The following POLA1 variants were observed in gnomAD, a reference collection of about 807,000 sequenced individuals.
The protein encoded by POLA1 is DNA polymerase alpha 1, catalytic subunit.
Under a neutral mutation model 124.0 loss-of-function variants are expected in POLA1, and 15 were observed. The ratio of observed to expected loss-of-function variants is 0.12; its 90% CI spans 0.08 to 0.19. POLA1 has a LOEUF of 0.19. Ranked by LOEUF, POLA1 falls within the 10% of genes least tolerant of loss-of-function variation. POLA1 has a pLI of 1.00. For missense variants in POLA1, 886 were observed against 1,103.4 expected (o/e 0.80, Z 2.79); for synonymous variants, 408 against 389.4 (o/e 1.05, Z -0.56).
At chrX:24,837,127 A>G (rs1321957490) in intron 32 of POLA1, among the ~76,000 whole-genome samples, 1 of 111,719 alleles carries the variant, frequency 9.0e-6, no homozygotes, top group East Asian at 2.8e-4. Flanking sequence ...CATGCTTTTT[A>G]AGAGTATAAT....
intron 36 of POLA1, among the ~76,000 whole-genome samples, chrX:24,954,435 AT>A (rs371282816): frequency 2.7e-5 from 3 of 112,396 alleles, no homozygotes; most frequent in African/African-American, 9.7e-5. Flanking sequence ...GCTTACGGTG[AT>A]TTGAAATTGA....
At chrX:24,777,152 C>CT (rs2045156113) in intron 26 of POLA1, among the ~76,000 whole-genome samples, 1 of 112,066 alleles carries the variant, frequency 8.9e-6, no homozygotes, top group Non-Finnish European at 1.9e-5. Context: ...TTTATCTCTG[C>CT]TTTTTTGAGG....
At chrX:24,910,985 A>G (rs371999063) in intron 35 of POLA1, among the ~76,000 whole-genome samples, 3 of 112,322 alleles carry the variant, frequency 2.7e-5, no homozygotes, top group South Asian at 7.4e-4. Context: ...CTGGGTCATA[A>G]AACCTTAATG....
chrX:24,753,473 C>T, intron 26 of POLA1, among the ~76,000 whole-genome samples: 1 of 110,586 alleles, frequency 9.0e-6, no homozygotes, highest in South Asian at 3.8e-4. Context: ...TCCCCTCAGC[C>T]TCCCTAGTAG....
chrX:24,995,609 G>A (rs1871606235), intron 36 of POLA1, among the ~76,000 whole-genome samples, 196 bp from the exon 37 acceptor site: 1 of 111,796 alleles, frequency 8.9e-6, no homozygotes, highest in South Asian at 3.8e-4. Context: ...GCTGAGAGGC[G>A]GACAGACAGG....
intron 35 of POLA1, among the ~76,000 whole-genome samples, chrX:24,905,225 G>A (rs2047347186): frequency 9.1e-6 from 1 of 109,561 alleles, no homozygotes; most frequent in Admixed American, 9.9e-5. Flanking sequence ...TGGCGACACA[G>A]AAAGTGGATT....
At chrX:24,831,121 A>G (rs925447291) in intron 32 of POLA1, among the ~76,000 whole-genome samples, 1 of 111,934 alleles carries the variant, frequency 8.9e-6, no homozygotes, top group African/African-American at 3.2e-5. Flanking sequence ...CATACCACTC[A>G]TATCACAGAG....
chrX:24,766,759 G>A (rs779705296), intron 26 of POLA1, among the ~76,000 whole-genome samples: 1 of 110,882 alleles, frequency 9.0e-6, no homozygotes, highest in South Asian at 3.9e-4. Flanking sequence ...TTGGAGAGGG[G>A]TGGGAGGATT....
chrX:24,903,746 T>A (rs1435909739), intron 35 of POLA1, among the ~76,000 whole-genome samples: 1 of 110,643 alleles, frequency 9.0e-6, no homozygotes, highest in African/African-American at 3.3e-5. Context: ...AACCCTAGCA[T>A]CAAATTCTAC....
At chrX:24,759,141 A>C (rs1262146985) in intron 26 of POLA1, among the ~76,000 whole-genome samples, 2 of 112,119 alleles carry the variant, frequency 1.8e-5, no homozygotes, top group African/African-American at 6.5e-5. Context: ...TCTTCAGTCA[A>C]TACTAATCTT....
chrX:24,854,636 T>C (rs1212774456), intron 34 of POLA1, among the ~76,000 whole-genome samples: 2 of 110,429 alleles, frequency 1.8e-5, no homozygotes, highest in East Asian at 5.8e-4. Flanking sequence ...TGAAGACCAG[T>C]GTGGCCAACA....
intron 15 of POLA1, among the ~76,000 whole-genome samples, chrX:24,728,254 CTTGT>C (rs1930665356): frequency 8.9e-6 from 1 of 112,282 alleles, no homozygotes; most frequent in Non-Finnish European, 1.9e-5. Context: ...TTTTGTTACA[CTTGT>C]TTATTTCCCT....
chrX:24,718,360 A>G (rs772407935), intron 10 of POLA1, among the ~76,000 whole-genome samples: 25 of 111,631 alleles, frequency 2.2e-4, no homozygotes, highest in Non-Finnish European at 3.8e-5. Flanking sequence ...CTGTCTGAGG[A>G]AATGACCACT....
intron 35 of POLA1, among the ~76,000 whole-genome samples, chrX:24,910,144 A>G (rs1442186483): frequency 2.0e-5 from 2 of 102,291 alleles, no homozygotes; most frequent in Non-Finnish European, 4.0e-5. Flanking sequence ...GGGCTGAGAC[A>G]ATGGGGTTTT....
At chrX:24,914,756 C>A (rs2047506326) in intron 35 of POLA1, among the ~76,000 whole-genome samples, 1 of 111,360 alleles carries the variant, frequency 9.0e-6, no homozygotes, top group Non-Finnish European at 1.9e-5. Flanking sequence ...TTTAAAGTTA[C>A]CATTCTTTTA....
At chrX:24,948,338 T>TA (rs1273455367) in intron 36 of POLA1, among the ~76,000 whole-genome samples, 1 of 90,972 alleles carries the variant, frequency 1.1e-5, no homozygotes, top group Non-Finnish European at 2.3e-5. Flanking sequence ...TAAATATATC[T>TA]ATGCTACTTT....
chrX:24,776,870 C>T (rs2045148816), intron 26 of POLA1, among the ~76,000 whole-genome samples: 1 of 112,003 alleles, frequency 8.9e-6, no homozygotes, highest in African/African-American at 3.2e-5. Context: ...GTGATCTAGG[C>T]CTAAGACAAG....
chrX:24,850,970 A>G (rs1277828127), intron 34 of POLA1, among the ~76,000 whole-genome samples: 1 of 111,809 alleles, frequency 8.9e-6, no homozygotes, highest in Non-Finnish European at 1.9e-5. Context: ...GGTATCTCCA[A>G]GGTATTCATC....
At chrX:24,830,876 A>C (rs1373106361) in intron 32 of POLA1, among the ~76,000 whole-genome samples, 1 of 112,160 alleles carries the variant, frequency 8.9e-6, no homozygotes, top group African/African-American at 3.2e-5. Context: ...TCCAATGAGC[A>C]ATGATTTGTA....
Sources: gnomAD v4.1 joint callset for allele counts (sites outside exome capture counted in the v4.1 genomes callset) on GRCh38, gnomAD v4.1.1 for gene constraint, MANE v1.5 for transcripts, NCBI Gene and HGNC (gene_info 2026-07-23, HGNC 2026-07-21) for gene names.